The following GRHL1 variants were observed in gnomAD, a reference collection of about 807,000 sequenced individuals.
GRHL1 encodes grainyhead like transcription factor 1.
A neutral mutation model predicts 75.7 loss-of-function variants in GRHL1; 38 were observed. That is an observed-to-expected ratio of 0.50 (90% CI 0.39 to 0.66). The LOEUF (loss-of-function observed/expected upper bound fraction) is 0.66, where lower values mean the gene tolerates loss of function less well. GRHL1 is among the 30% of genes least tolerant of loss of function. The pLI, the probability that GRHL1 is intolerant of heterozygous loss-of-function variation, is 0.00. For synonymous variants in GRHL1, 266 were observed against 279.4 expected (o/e 0.95, Z 0.48); for missense variants, 589 against 767.5 (o/e 0.77, Z 2.75).
intron 2 of GRHL1, among the ~76,000 whole-genome samples, chr2:9,955,371 C>G (rs887435330): frequency 1.3e-5 from 2 of 152,148 alleles, no homozygotes; most frequent in African/African-American, 4.8e-5. Context: ...GCTAGATGTG[C>G]CTTCTTGGGT....
chr2:9,967,829 T>C (rs1215867943), intron 8 of GRHL1, among the ~76,000 whole-genome samples: 4 of 152,234 alleles, frequency 2.6e-5, no homozygotes, highest in African/African-American at 4.8e-5. Context: ...AATATCTACT[T>C]TCTTTGCCCA....
chr2:9,969,300 C>G (rs1297905050), intron 8 of GRHL1, among the ~76,000 whole-genome samples: 1 of 152,176 alleles, frequency 6.6e-6, no homozygotes, highest in Non-Finnish European at 1.5e-5. Flanking sequence ...TCACCTATGT[C>G]CATAGTTAGT....
chr2:9,974,670 T>TTTC (rs1399030150), intron 8 of GRHL1, among the ~76,000 whole-genome samples: 7 of 152,252 alleles, frequency 4.6e-5, no homozygotes, highest in African/African-American at 1.7e-4. Context: ...ATTTGACTGT[T>TTTC]TTCTAACATC....
chr2:9,995,522 G>A (rs1668821866), intron 12 of GRHL1, among the ~76,000 whole-genome samples: 1 of 151,160 alleles, frequency 6.6e-6, no homozygotes, highest in Non-Finnish European at 1.5e-5. Flanking sequence ...AGGCTGCAGT[G>A]AGCCGTGATC....
chr2:9,971,977 T>C lies in GRHL1; in HGVS notation c.1110+6596T>C, dbSNP rs116031310. Among the ~76,000 whole-genome samples, 645 of 152,304 alleles carry C rather than the reference T, an allele frequency of 4.2e-3. 4 individuals are homozygous for C. The highest frequency in any genetic ancestry group is 0.015 in the African/African-American group (617 of 41,556). On this transcript the variant is annotated intron_variant, in intron 8 of 15. Coordinates refer to ENST00000324907, the MANE Select transcript of GRHL1 (RefSeq NM_198182.3). Reference sequence around the variant, plus strand: ...GATGTAAAATAAGTACATCGAACCATGGCAGAACTTGGAATCCACAGGTAA... The same window carrying C: ...GATGTAAAATAAGTACATCGAACCACGGCAGAACTTGGAATCCACAGGTAA...
rs1669283868 is a variant in GRHL1 at position 10,001,930 on chromosome 2, G to T, written c.*1223G>T. On this transcript the variant is annotated 3_prime_UTR_variant, in exon 16 of 16. Transcript: ENST00000324907. ...GTTAACAATTCTAGAAAACATTCAT[G>T]AATTCACAAAAATATGTTACTATGG... The T allele has an allele frequency of 6.6e-6, 1 of 152,544 alleles. No individual in the cohort carries two copies. The highest frequency in any genetic ancestry group is 1.5e-5 in the Non-Finnish European group (1 of 68,022). 9.4% of individuals were successfully genotyped at this position (152,544 alleles called of 1,614,324 possible). A position where few individuals can be genotyped will look rare whatever the true frequency, so the allele number is the denominator to read the frequency against.
rs1364891426 is a variant in GRHL1, at chr2:9,998,780, ACG to A, written c.1678-184_1678-183del. Among the ~76,000 whole-genome samples the A allele has an allele frequency of 6.0e-3, 245 of 40,934 alleles. 41 individuals are homozygous for A. The highest frequency in any genetic ancestry group is 0.013 in the African/African-American group (101 of 7,692). 26.9% of individuals were successfully genotyped at this position (40,934 alleles called of 152,430 possible). On this transcript the variant is annotated intron_variant, in intron 14 of 15. Coordinates refer to ENST00000324907, the MANE Select transcript of GRHL1 (RefSeq NM_198182.3). ...CGTATATATATGTACACACATATAT[ACG>A]TATATATATGTACACACATATATAT... is the stretch of plus-strand genomic sequence containing the variant.
intron 8 of GRHL1, among the ~76,000 whole-genome samples, chr2:9,976,565 G>A (rs954822084): frequency 1.3e-5 from 2 of 152,186 alleles, no homozygotes; most frequent in Admixed American, 1.3e-4. Context: ...GCTGTGTAAT[G>A]TGTTTTCAAG....
intron 1 of GRHL1, chr2:9,953,015 C>G (rs1436579477): frequency 6.6e-6 from 3 of 456,650 alleles, no homozygotes; most frequent in Non-Finnish European, 1.3e-5. Flanking sequence ...GCGACTGAAG[C>G]CTACTTCCTG....
chr2:9,990,606 G>A lies in GRHL1; in HGVS notation c.1270-90G>A. The A allele has an allele frequency of 7.4e-6, 5 of 671,740 alleles. No homozygotes were observed. The South Asian group carries it at 1.2e-4, about 16-fold the overall frequency. 41.6% of individuals were successfully genotyped at this position (671,740 alleles called of 1,614,324 possible). On this transcript the variant is annotated intron_variant, in intron 9 of 15. Coordinates refer to ENST00000324907, the MANE Select transcript of GRHL1 (RefSeq NM_198182.3). This position sits in a 1 kb window ranked among gnomAD's most constrained non-coding sequence, Gnocchi z 4.2. ...GGTTCCTGTCCAGAGAAGGGAGAAA[G>A]GCTTCTTCTTCCATTGGTCAGGATA...
intron 8 of GRHL1, among the ~76,000 whole-genome samples, chr2:9,972,129 A>G (rs2125221351): frequency 6.6e-6 from 1 of 152,034 alleles, no homozygotes; most frequent in South Asian, 2.1e-4. Flanking sequence ...CGTTTTGTGA[A>G]ACAGGTTTCA....
In GRHL1 at chr2:9,961,267, C is replaced by T. The variant is rs755574592; in HGVS notation, c.500C>T (p.Ala167Val). ...IKTETQPHGF[A>V]VGIPPAVYHP... ...ACAGAAACCCAGCCACATGGCTTCG[C>T]TGTGGGAATCCCCCCAGCAGTGTAT... The change falls in exon 4 of 16, where the codon GCT (alanine) becomes GTT (valine). Residue 167 changes from alanine (A) to valine (V), a missense_variant. Physicochemically the swap from Ala to Val is moderately conservative, Grantham distance 64. Around this residue, in one of 5 missense-constraint regions of GRHL1, gnomAD observed 362 missense variants for 461.8 expected, o/e 0.78. Coordinates refer to ENST00000324907, the MANE Select transcript of GRHL1 (RefSeq NM_198182.3). 3.1e-6 allele frequency: 5 copies of T among 1,614,220 alleles called. No homozygotes were observed. Among genetic ancestry groups the T allele is most frequent in the Non-Finnish European group, 3.4e-6 (4 of 1,180,030 alleles).
At chr2:9,958,174 CTTTTTTTTTTT>C (rs61051898) in intron 2 of GRHL1, among the ~76,000 whole-genome samples, 3 of 130,762 alleles carry the variant, frequency 2.3e-5, no homozygotes, top group Non-Finnish European at 3.3e-5. Context: ...TTCTTTTTTT[CTTTTTTTTTTT>C]TTTTTTGAGT....
At chr2:9,979,397 G>A (rs72784439) in intron 8 of GRHL1, among the ~76,000 whole-genome samples, 2,499 of 151,894 alleles carry the variant, frequency 0.016, 30 homozygotes, top group Non-Finnish European at 0.027. Context: ...ACCATGCCCA[G>A]CTAATTTATT....
intron 2 of GRHL1, among the ~76,000 whole-genome samples, chr2:9,957,004 T>TC (rs1279696625): frequency 6.7e-6 from 1 of 148,414 alleles, no homozygotes; most frequent in Non-Finnish European, 1.5e-5. Context: ...TTCTTCTTCT[T>TC]TTTTTTTTTT....
chr2:9,954,607 A>G (rs1038798062), intron 1 of GRHL1, among the ~76,000 whole-genome samples: 11 of 151,942 alleles, frequency 7.2e-5, no homozygotes, highest in Non-Finnish European at 1.5e-4. Context: ...TTGTTTATGG[A>G]AAGTATTTGA....
intron 5 of GRHL1, 99 bp from the exon 6 acceptor site, chr2:9,963,783 TTTTC>T (rs1667375084): frequency 1.5e-5 from 12 of 777,728 alleles, no homozygotes; most frequent in Non-Finnish European, 2.4e-5. Context: ...TTGTTTCAGA[TTTTC>T]TTTAAGTGAA....
chr2:9,990,071 G>T lies in GRHL1; in HGVS notation c.1270-625G>T, dbSNP rs1191480293. Among the ~76,000 whole-genome samples, 2 of 151,922 alleles carry T rather than the reference G, an allele frequency of 1.3e-5. No homozygotes were observed. Among genetic ancestry groups the T allele is most frequent in the South Asian group, 4.2e-4 (2 of 4,816 alleles). On this transcript the variant is annotated intron_variant, in intron 9 of 15. Transcript: ENST00000324907. The surrounding 1 kb of genome is among the most constrained non-coding windows in gnomAD (Gnocchi z 4.2). ...TACTGGACAAAGGGAAAATACCCTTGTGTCTTTGCAGGCATGTGGTATACT... is the reference window on the plus strand; with the variant it reads ...TACTGGACAAAGGGAAAATACCCTTTTGTCTTTGCAGGCATGTGGTATACT...
intron 15 of GRHL1, among the ~76,000 whole-genome samples, chr2:10,000,358 C>A (rs1203945264): frequency 2.0e-5 from 3 of 152,188 alleles, no homozygotes; most frequent in Admixed American, 6.5e-5. Flanking sequence ...TTTCCAAATG[C>A]TATGATATAA....
Sources: allele counts gnomAD v4.1 joint callset (sites outside exome capture counted in the v4.1 genomes callset), GRCh38; gene constraint gnomAD v4.1.1; regional missense constraint gnomAD v4.1.1; non-coding constraint Gnocchi (gnomAD v3.1); transcripts MANE v1.5; gene names NCBI Gene and HGNC (gene_info 2026-07-23, HGNC 2026-07-21).